STAC: variants seen among roughly 807,000 people sequenced by gnomAD.
The protein encoded by STAC is SH3 and cysteine-rich domain-containing protein.
STAC carries 43 observed loss-of-function variants against 48.8 expected under a neutral mutation model. The observed-to-expected ratio is 0.88, with a 90% CI of 0.69 to 1.14. The LOEUF is 1.14. Among genes scored for constraint, STAC ranks in the 50% most tolerant of loss-of-function variants. The pLI is 0.00. For synonymous variants in STAC, 193 were observed against 179.5 expected, an observed-to-expected ratio of 1.07 and a Z score of -0.60; for missense variants, 497 against 504.0, an observed-to-expected ratio of 0.99 and a Z score of 0.13.
At chr3:36,381,615 G>C (rs1699511223) in intron 1 of STAC, among the ~76,000 whole-genome samples, 1 of 152,162 alleles carries the variant, frequency 6.6e-6, no homozygotes, top group South Asian at 2.1e-4. Context: ...GGAATGTGAG[G>C]CAGTCCGTGT....
chr3:36,427,389 A>G (rs1700591065), intron 1 of STAC, among the ~76,000 whole-genome samples: 1 of 152,206 alleles, frequency 6.6e-6, no homozygotes, highest in Non-Finnish European at 1.5e-5. Context: ...CCTCTGGGCC[A>G]GCCTTGGAAA....
At chr3:36,398,538 AG>A in intron 1 of STAC, among the ~76,000 whole-genome samples, 1 of 63,794 alleles carries the variant, frequency 1.6e-5, no homozygotes, top group Non-Finnish European at 3.1e-5. Context: ...AGAAAGAAAG[AG>A]AGGTAAAGAG....
chr3:36,470,760 C>T (rs1697310942), intron 2 of STAC, among the ~76,000 whole-genome samples: 1 of 152,238 alleles, frequency 6.6e-6, no homozygotes, highest in South Asian at 2.1e-4. Context: ...GTCCTGCCTC[C>T]TGTCTGCCAT....
At chr3:36,521,438 C>A (rs1211913386) in intron 8 of STAC, among the ~76,000 whole-genome samples, 1 of 152,096 alleles carries the variant, frequency 6.6e-6, no homozygotes, top group African/African-American at 2.4e-5. Context: ...GCCCTCTAGG[C>A]TCAACCCTGC....
intron 1 of STAC, among the ~76,000 whole-genome samples, chr3:36,411,030 T>C (rs1344526428): frequency 6.6e-6 from 1 of 152,202 alleles, no homozygotes; most frequent in African/African-American, 2.4e-5. Flanking sequence ...ACATGCTTCT[T>C]CACACTGTCT....
In STAC at chr3:36,419,228, C is replaced by T. The variant is rs143065354; in HGVS notation, c.112-24136C>T. 2.9e-3 allele frequency among the ~76,000 whole-genome samples: 441 copies of T among 152,234 alleles called. 2 individuals are homozygous for T. Among genetic ancestry groups the T allele is most frequent in the African/African-American group, 0.01 (424 of 41,544 alleles). On this transcript the variant is annotated intron_variant, in intron 1 of 10. Transcript: ENST00000273183. ...TCTAATATTAATACTGCAAAGCCCTCCTCTTTCTCAGCATTTGTCATTCTC... is the reference window on the plus strand; with the variant it reads ...TCTAATATTAATACTGCAAAGCCCTTCTCTTTCTCAGCATTTGTCATTCTC...
chr3:36,482,237 T>A (rs1403934389), intron 2 of STAC, among the ~76,000 whole-genome samples: 2 of 152,170 alleles, frequency 1.3e-5, no homozygotes, highest in East Asian at 3.9e-4. Flanking sequence ...AACACCGGTG[T>A]GCAGCACCTG....
chr3:36,485,136 T>TTTTGCAGCCATGGGAG, intron 4 of STAC, 78 bp downstream of exon 4: 1 of 1,237,508 alleles, frequency 8.1e-7, no homozygotes, highest in Non-Finnish European at 1.1e-6. Flanking sequence ...CTCCCATGGC[T>TTTTGCAGCCATGGGAG]GCAAAACCCG....
intron 2 of STAC, among the ~76,000 whole-genome samples, chr3:36,480,459 A>T (rs1697612481): frequency 6.6e-6 from 1 of 151,762 alleles, no homozygotes; most frequent in African/African-American, 2.4e-5. Context: ...AGGGTTTTAA[A>T]CTCTTTTCTC....
chr3:36,461,708 A>C (rs993329149), intron 2 of STAC, among the ~76,000 whole-genome samples: 1 of 152,220 alleles, frequency 6.6e-6, no homozygotes, highest in African/African-American at 2.4e-5. Flanking sequence ...TTTGCAGAAA[A>C]TGAAGGAACT....
intron 2 of STAC, among the ~76,000 whole-genome samples, chr3:36,466,733 T>C (rs553335105): frequency 3.3e-5 from 5 of 152,166 alleles, no homozygotes; most frequent in Non-Finnish European, 7.4e-5. Context: ...TTATCAATTC[T>C]AGGAGCTTTT....
chr3:36,510,500 A>G (rs1698509776), intron 8 of STAC, among the ~76,000 whole-genome samples: 1 of 152,204 alleles, frequency 6.6e-6, no homozygotes, highest in Non-Finnish European at 1.5e-5. Context: ...ATAAAGACAC[A>G]TGTACACGTA....
At chr3:36,382,475 T>C (rs1699532207) in intron 1 of STAC, among the ~76,000 whole-genome samples, 1 of 152,212 alleles carries the variant, frequency 6.6e-6, no homozygotes, top group Non-Finnish European at 1.5e-5. Flanking sequence ...GGCTTATGGT[T>C]TTGTACAAAT....
intron 1 of STAC, among the ~76,000 whole-genome samples, chr3:36,418,393 G>A (rs140953547): frequency 6.6e-6 from 1 of 152,106 alleles, no homozygotes; most frequent in Non-Finnish European, 1.5e-5. Flanking sequence ...CTAATGAGAG[G>A]TGAGGATTAA....
chr3:36,468,774 T>TGTG (rs1559503305), intron 2 of STAC, among the ~76,000 whole-genome samples: 66 of 142,478 alleles, frequency 4.6e-4, no homozygotes, highest in East Asian at 4.2e-3. Flanking sequence ...GTGTGTGTGT[T>TGTG]TGTGTGTGTT....
At chr3:36,427,289 C>T (rs554924066) in intron 1 of STAC, among the ~76,000 whole-genome samples, 85 of 152,182 alleles carry the variant, frequency 5.6e-4, no homozygotes, top group Non-Finnish European at 1.0e-3. Flanking sequence ...CTTTCACATC[C>T]CAATATGCAT....
At chr3:36,469,045 C>A (rs184322317) in intron 2 of STAC, among the ~76,000 whole-genome samples, 1 of 152,132 alleles carries the variant, frequency 6.6e-6, no homozygotes, top group African/African-American at 2.4e-5. Context: ...ATCCATTCTC[C>A]CATTCTGTAT....
chr3:36,431,819 C>G (rs994480182), intron 1 of STAC, among the ~76,000 whole-genome samples: 2 of 152,134 alleles, frequency 1.3e-5, no homozygotes, highest in African/African-American at 4.8e-5. Context: ...CCCCTCACCC[C>G]CAACTCCTTT....
At chr3:36,503,621 T>C (rs1164160542) in intron 6 of STAC, among the ~76,000 whole-genome samples, 1 of 151,916 alleles carries the variant, frequency 6.6e-6, no homozygotes, top group African/African-American at 2.4e-5. Context: ...TTAGTAGAGA[T>C]GGGGTTTCAC....
Sources: gnomAD v4.1 joint callset for allele counts (sites outside exome capture counted in the v4.1 genomes callset) on GRCh38, gnomAD v4.1.1 for gene constraint, MANE v1.5 for transcripts, NCBI Gene and HGNC (gene_info 2026-07-23, HGNC 2026-07-21) for gene names.